Variants in LRRTM4 observed in about 807,000 individuals in gnomAD.
LRRTM4 encodes the protein leucine-rich repeat transmembrane neuronal protein 4.
A neutral mutation model predicts 47.6 loss-of-function variants in LRRTM4; 25 were observed. The ratio of observed to expected loss-of-function variants is 0.53; its 90% CI spans 0.38 to 0.73. LRRTM4 has a LOEUF of 0.73. LRRTM4 is among the 30% of genes least tolerant of loss of function. LRRTM4 has a pLI of 0.00. For synonymous variants in LRRTM4, 311 were observed against 269.5 expected (o/e 1.15, Z -1.51); for missense variants, 638 against 713.4 (o/e 0.89, Z 1.20).
At chr2:77,018,138 C>T (rs956812420) in intron 3 of LRRTM4, among the ~76,000 whole-genome samples, 2 of 148,152 alleles carry the variant, frequency 1.3e-5, no homozygotes, top group African/African-American at 5.0e-5. Flanking sequence ...AATCTAGTTT[C>T]AATTTCAAAT....
intron 3 of LRRTM4, among the ~76,000 whole-genome samples, chr2:76,915,393 T>C (rs980685305): frequency 2.6e-5 from 4 of 152,200 alleles, no homozygotes; most frequent in African/African-American, 9.7e-5. Flanking sequence ...ACACTGCCTC[T>C]GTCACATATG....
chr2:77,422,566 T>C (rs931847871), intron 3 of LRRTM4, among the ~76,000 whole-genome samples: 5 of 152,202 alleles, frequency 3.3e-5, no homozygotes, highest in African/African-American at 1.2e-4. Flanking sequence ...TGCTTTCTTA[T>C]TGATATAATA....
At chr2:77,411,520 T>C (rs1674429860) in intron 3 of LRRTM4, among the ~76,000 whole-genome samples, 1 of 144,498 alleles carries the variant, frequency 6.9e-6, no homozygotes, top group South Asian at 2.4e-4. Context: ...TGGCGTGATC[T>C]CGGCTCACTG....
chr2:77,035,213 C>A (rs1183568407), intron 3 of LRRTM4, among the ~76,000 whole-genome samples: 1 of 151,126 alleles, frequency 6.6e-6, no homozygotes, highest in African/African-American at 2.4e-5. Context: ...CCCTCCCCTT[C>A]CCCCCACCCC....
chr2:77,077,207 A>C (rs1047738935), intron 3 of LRRTM4, among the ~76,000 whole-genome samples: 1 of 152,180 alleles, frequency 6.6e-6, no homozygotes, highest in Non-Finnish European at 1.5e-5. Context: ...TCATGTAGCA[A>C]ATCATTTTAT....
intron 3 of LRRTM4, among the ~76,000 whole-genome samples, chr2:77,058,860 A>C (rs867249466): frequency 6.6e-6 from 1 of 152,132 alleles, no homozygotes; most frequent in South Asian, 2.1e-4. Flanking sequence ...AATATTGGAT[A>C]CTTAGTTCCT....
At chr2:77,483,392 G>A (rs1277228871) in intron 3 of LRRTM4, among the ~76,000 whole-genome samples, 2 of 152,084 alleles carry the variant, frequency 1.3e-5, no homozygotes, top group African/African-American at 4.8e-5. Flanking sequence ...CCATGCTGGA[G>A]TGCAATGGTA....
intron 3 of LRRTM4, among the ~76,000 whole-genome samples, chr2:77,504,936 A>C (rs945717898): frequency 6.6e-6 from 1 of 151,450 alleles, no homozygotes; most frequent in African/African-American, 2.4e-5. Context: ...TTGCATCCAA[A>C]AGGGGTTCTA....
intron 3 of LRRTM4, among the ~76,000 whole-genome samples, chr2:77,339,758 C>T (rs1045165227): frequency 1.3e-5 from 2 of 151,862 alleles, no homozygotes; most frequent in Non-Finnish European, 2.9e-5. Context: ...GCTACATATC[C>T]TTTTTCATAG....
rs370726906 is a variant in LRRTM4, at chr2:77,021,076, C to T, written c.1552-272160G>A. 7.3e-5 allele frequency among the ~76,000 whole-genome samples: 11 copies of T among 151,214 alleles called. No individual in the cohort carries two copies. In the East Asian group the frequency reaches 1.4e-3, roughly 19 times the overall value. On this transcript the variant is annotated intron_variant, in intron 3 of 3. Transcript: ENST00000409884. ...CAATAAGAAGCCACTAAAGGAACTG[C>T]AGGCAAGAAACTTCTCTGTATCTAT...
intron 3 of LRRTM4, among the ~76,000 whole-genome samples, chr2:77,067,659 T>C (rs1318991500): frequency 6.8e-6 from 1 of 147,444 alleles, no homozygotes; most frequent in Non-Finnish European, 1.5e-5. Context: ...AAAAGAAGGA[T>C]TACGGTGATT....
chr2:77,089,626 C>G (rs548330141), intron 3 of LRRTM4, among the ~76,000 whole-genome samples: 5 of 152,140 alleles, frequency 3.3e-5, no homozygotes, highest in Admixed American at 3.3e-4. Context: ...GGCTTGCTTC[C>G]TTCACTATGG....
chr2:77,281,734 G>T lies in LRRTM4; in HGVS notation c.1551+236584C>A, dbSNP rs1477617421. Among the ~76,000 whole-genome samples the T allele has an allele frequency of 2.0e-5, 3 of 151,894 alleles. No homozygotes were observed. In the East Asian group the frequency reaches 5.8e-4, roughly 30 times the overall value. ...CAAGAATGGGGAGGTACATGAAAAT[G>T]CATGAGACAGAAGCCCAGATGTAGG... On this transcript the variant is annotated intron_variant, in intron 3 of 3. Transcript: ENST00000409884.
At chr2:77,038,822 A>C (rs1400303100) in intron 3 of LRRTM4, among the ~76,000 whole-genome samples, 1 of 151,386 alleles carries the variant, frequency 6.6e-6, no homozygotes, top group Non-Finnish European at 1.5e-5. Flanking sequence ...CTGCTCATGG[A>C]TCTAACCATC....
At chr2:76,937,915 G>T (rs934221895) in intron 3 of LRRTM4, among the ~76,000 whole-genome samples, 3 of 152,006 alleles carry the variant, frequency 2.0e-5, no homozygotes, top group African/African-American at 7.2e-5. Context: ...CAATTGCATA[G>T]TATCCTTAGA....
intron 3 of LRRTM4, among the ~76,000 whole-genome samples, chr2:77,156,284 G>T (rs1311811871): frequency 7.5e-6 from 1 of 133,194 alleles, no homozygotes; most frequent in Non-Finnish European, 1.7e-5. Flanking sequence ...AATAATTAAA[G>T]AAATATATGT....
At chr2:77,128,603 G>T (rs905334999) in intron 3 of LRRTM4, among the ~76,000 whole-genome samples, 5 of 152,062 alleles carry the variant, frequency 3.3e-5, no homozygotes, top group Non-Finnish European at 5.9e-5. Flanking sequence ...ATCATCAAAA[G>T]AAAGTTTTCA....
At chr2:77,474,989 C>T (rs2141941) in intron 3 of LRRTM4, among the ~76,000 whole-genome samples, 93,859 of 151,820 alleles carry the variant, frequency 0.62, 29,332 homozygotes, top group Middle Eastern at 0.71. Context: ...AACTCCACTT[C>T]GTGAAGCAAG....
intron 3 of LRRTM4, among the ~76,000 whole-genome samples, chr2:76,784,200 T>G (rs958955843): frequency 1.5e-4 from 23 of 152,096 alleles, no homozygotes; most frequent in African/African-American, 5.3e-4. Context: ...TAGATTAATG[T>G]TTTTGAGAAA....
Sources: gnomAD v4.1 joint callset for allele counts (sites outside exome capture counted in the v4.1 genomes callset) on GRCh38, gnomAD v4.1.1 for gene constraint, MANE v1.5 for transcripts, NCBI Gene and HGNC (gene_info 2026-07-23, HGNC 2026-07-21) for gene names.